The following MAGI1 variants were observed in gnomAD, a reference collection of about 807,000 sequenced individuals.
The protein encoded by MAGI1 is membrane-associated guanylate kinase, WW and PDZ domain-containing protein 1.
A neutral mutation model predicts 139.9 loss-of-function variants in MAGI1; 58 were observed. The ratio of observed to expected loss-of-function variants is 0.41; its 90% CI spans 0.34 to 0.52. MAGI1 has a LOEUF of 0.52. Among genes scored for constraint, MAGI1 ranks in the 20% least tolerant of loss-of-function variants. The pLI, the probability that MAGI1 is intolerant of heterozygous loss-of-function variation, is 0.12. For synonymous variants in MAGI1, 812 were observed against 737.9 expected, an observed-to-expected ratio of 1.10 and a Z score of -1.63; for missense variants, 1,874 against 1,901.6, an observed-to-expected ratio of 0.99 and a Z score of 0.27.
intron 1 of MAGI1, among the ~76,000 whole-genome samples, chr3:65,987,500 A>G (rs1435928835): frequency 6.6e-6 from 1 of 152,206 alleles, no homozygotes; most frequent in Non-Finnish European, 1.5e-5. Flanking sequence ...CAGGCGAGCC[A>G]CTTACCTTGG....
intron 3 of MAGI1, among the ~76,000 whole-genome samples, chr3:65,492,768 A>G (rs1161673287): frequency 6.6e-6 from 1 of 152,136 alleles, no homozygotes; most frequent in Non-Finnish European, 1.5e-5. Context: ...CAGGTGGGAG[A>G]CAGGTATATG....
intron 1 of MAGI1, among the ~76,000 whole-genome samples, chr3:65,660,774 G>A (rs528072444): frequency 5.5e-4 from 84 of 152,258 alleles, no homozygotes; most frequent in African/African-American, 2.0e-3. Context: ...AAGATGAAGA[G>A]GGACCATCAT....
intron 1 of MAGI1, among the ~76,000 whole-genome samples, chr3:65,888,806 T>C (rs750165827): frequency 4.6e-5 from 7 of 152,164 alleles, no homozygotes; most frequent in African/African-American, 9.6e-5. Flanking sequence ...CCAAAAACTA[T>C]GAACCACAAA....
chr3:65,589,755 A>G (rs2081874854), intron 2 of MAGI1, among the ~76,000 whole-genome samples: 1 of 151,948 alleles, frequency 6.6e-6, no homozygotes, highest in Admixed American at 6.6e-5. Flanking sequence ...AACTTTATTT[A>G]CCACGACATG....
intron 9 of MAGI1, 101 bp downstream of exon 9, chr3:65,439,778 C>G: frequency 6.3e-7 from 1 of 1,577,952 alleles, no homozygotes; most frequent in Admixed American, 1.7e-5. Context: ...CAAGAGAGGA[C>G]TCAATCATCG....
intron 18 of MAGI1, among the ~76,000 whole-genome samples, chr3:65,368,064 T>C (rs1396853113): frequency 6.6e-6 from 1 of 152,190 alleles, no homozygotes; most frequent in Non-Finnish European, 1.5e-5. Context: ...TAAACCAGGA[T>C]TGTATTTGCT....
intron 1 of MAGI1, among the ~76,000 whole-genome samples, chr3:65,750,592 CAAA>C (rs1217380590): frequency 6.6e-6 from 1 of 152,182 alleles, no homozygotes; most frequent in Non-Finnish European, 1.5e-5. Context: ...TCTGAGAAGT[CAAA>C]TTTTGCTGTG....
At chr3:65,741,324 G>A (rs1439879776) in intron 1 of MAGI1, among the ~76,000 whole-genome samples, 2 of 152,076 alleles carry the variant, frequency 1.3e-5, no homozygotes, top group South Asian at 4.2e-4. Context: ...ACAGATGCCC[G>A]CCACCACGCT....
At chr3:65,955,223 T>C (rs1188089622) in intron 1 of MAGI1, among the ~76,000 whole-genome samples, 2 of 152,158 alleles carry the variant, frequency 1.3e-5, no homozygotes, top group Non-Finnish European at 2.9e-5. Context: ...AAAATAACCT[T>C]GGCCAGGTGT....
intron 1 of MAGI1, among the ~76,000 whole-genome samples, chr3:65,692,794 G>A (rs563404012): frequency 6.6e-6 from 1 of 152,140 alleles, no homozygotes; most frequent in Non-Finnish European, 1.5e-5. Context: ...TGTCTCTTGT[G>A]AGCCCCCTTG....
At chr3:65,760,558 C>T (rs1242709000) in intron 1 of MAGI1, among the ~76,000 whole-genome samples, 1 of 151,984 alleles carries the variant, frequency 6.6e-6, no homozygotes. Flanking sequence ...CAGGCACACA[C>T]CACTACGCCC....
At chr3:65,704,188 A>C (rs907692104) in intron 1 of MAGI1, among the ~76,000 whole-genome samples, 2 of 152,024 alleles carry the variant, frequency 1.3e-5, no homozygotes, top group South Asian at 4.1e-4. Context: ...GTTCTGCCTC[A>C]TTTCTTCTAT....
chr3:65,534,030 G>A (rs962012291), intron 2 of MAGI1, among the ~76,000 whole-genome samples: 4 of 152,186 alleles, frequency 2.6e-5, no homozygotes, highest in Non-Finnish European at 5.9e-5. Context: ...TTGATTGCAA[G>A]CTTGTGAGAC....
intron 1 of MAGI1, among the ~76,000 whole-genome samples, chr3:65,729,587 T>C (rs2033981501): frequency 6.6e-6 from 1 of 151,640 alleles, no homozygotes; most frequent in Non-Finnish European, 1.5e-5. Flanking sequence ...CTGCCAATCC[T>C]GCTTTACTAA....
At chr3:65,885,651 T>C (rs994325315) in intron 1 of MAGI1, among the ~76,000 whole-genome samples, 5 of 152,076 alleles carry the variant, frequency 3.3e-5, no homozygotes, top group East Asian at 1.9e-4. Context: ...CTGACGGTTT[T>C]ATAAAGGGCA....
rs148706216 is a variant in MAGI1, at chr3:65,998,585, G to T, written c.313+39411C>A. On this transcript the variant is annotated intron_variant, in intron 1 of 22. Coordinates refer to ENST00000402939, the MANE Select transcript of MAGI1 (RefSeq NM_001033057.2). ...CATATTTAGAGGTTAAGATTTAAGA[G>T]ACCAAGACTAATCTGTTAGGCCTTC... 1.8e-4 allele frequency among the ~76,000 whole-genome samples: 27 copies of T among 152,288 alleles called. No individual in the cohort carries two copies. The East Asian group carries it at 5.2e-3, about 29-fold the overall frequency.
At chr3:65,772,210 GA>G (rs1004340484) in intron 1 of MAGI1, among the ~76,000 whole-genome samples, 1 of 151,620 alleles carries the variant, frequency 6.6e-6, no homozygotes, top group Non-Finnish European at 1.5e-5. Flanking sequence ...AAAAGAAAAA[GA>G]AAAAAAAGAC....
chr3:65,552,703 G>A (rs1031001064), intron 2 of MAGI1, among the ~76,000 whole-genome samples: 1 of 152,176 alleles, frequency 6.6e-6, no homozygotes, highest in Non-Finnish European at 1.5e-5. Context: ...CTGATCCTAT[G>A]AATTACTTAC....
chr3:65,696,767 G>A (rs1001659763), intron 1 of MAGI1, among the ~76,000 whole-genome samples: 21 of 152,044 alleles, frequency 1.4e-4, no homozygotes, highest in Admixed American at 3.3e-4. Context: ...ACAAGAATAG[G>A]GGAAAAGCCA....
Sources: gnomAD v4.1 joint callset for allele counts (sites outside exome capture counted in the v4.1 genomes callset) on GRCh38, gnomAD v4.1.1 for gene constraint, MANE v1.5 for transcripts, NCBI Gene and HGNC (gene_info 2026-07-23, HGNC 2026-07-21) for gene names.